Variants in ACTR8 observed in about 807,000 individuals in gnomAD.
The protein encoded by ACTR8 is actin related protein 8, also known as actin-related protein 8.
Under a neutral mutation model 84.3 loss-of-function variants are expected in ACTR8, and 70 were observed. That is an observed-to-expected ratio of 0.83 (90% CI 0.68 to 1.01). The LOEUF is 1.01. Ranked by LOEUF, ACTR8 falls within the 50% of genes least tolerant of loss-of-function variation. The pLI is 0.00. For synonymous variants in ACTR8, 268 were observed against 275.2 expected, an observed-to-expected ratio of 0.97 and a Z score of 0.26; for missense variants, 672 against 775.4, an observed-to-expected ratio of 0.87 and a Z score of 1.58.
chr3:53,860,172 C>T, the ACTR8 span: 1 of 1,614,140 alleles, frequency 6.2e-7, no homozygotes, highest in Non-Finnish European at 8.5e-7. Context: ...CTCCTGCTGT[C>T]TCTGCTGGTG....
At chr3:53,877,412 T>C (rs781428628) in intron 4 of ACTR8, 25 bp from the exon 5 acceptor site, 3 of 1,563,226 alleles carry the variant, frequency 1.9e-6, no homozygotes, top group Admixed American at 2.1e-5. Context: ...GGGAGATGAG[T>C]ACTTTGTTAA....
At chr3:53,874,479 C>G in intron 7 of ACTR8, 115 bp from the exon 8 acceptor site, 1 of 1,094,272 alleles carries the variant, frequency 9.1e-7, no homozygotes, top group Non-Finnish European at 1.3e-6. Flanking sequence ...AATCCCAGCA[C>G]TTTGGGAGGC....
Position 53,875,989 on chromosome 3 carries a change from A to C in ACTR8, c.870T>G (p.Ser290Arg). 1 of 1,614,028 alleles carries C rather than the reference A, an allele frequency of 6.2e-7. No individual in the cohort carries two copies. The highest frequency in any genetic ancestry group is 8.5e-7 in the Non-Finnish European group (1 of 1,180,024). Residue 290 changes from serine to arginine, a missense_variant, in exon 7 of 13, where the codon AGT becomes AGG. By Grantham distance (110) the Ser-to-Arg change is moderately radical. Coordinates refer to ENST00000335754, the MANE Select transcript of ACTR8 (RefSeq NM_022899.5). ...ACACCCCATCCTCCACACAGCATAC[A>C]CTTGTCTTCTGGTCCCCAACGTCTA... ...CIVDVGDQKT[S>R]VCCVEDGVSH... is the part of the protein sequence containing the mutation.
At chr3:53,876,461 G>A (rs943458730) in intron 6 of ACTR8, among the ~76,000 whole-genome samples, 159 bp downstream of exon 6, 21 of 152,194 alleles carry the variant, frequency 1.4e-4, no homozygotes, top group African/African-American at 4.6e-4. Flanking sequence ...GGAGCTTGCA[G>A]TGAGCTGAGA....
In ACTR8 at chr3:53,867,379, A is replaced by C. The variant is rs2107042636; in HGVS notation, c.*1340T>G. 6.6e-6 allele frequency: 1 copy of C among 152,360 alleles called. No individual in the cohort carries two copies. The highest frequency in any genetic ancestry group is 2.1e-4 in the South Asian group (1 of 4,830). The allele number at this position is 152,360 out of a possible 1,614,324, so 9.4% of individuals were successfully genotyped here. On this transcript the variant is annotated 3_prime_UTR_variant, in exon 13 of 13. Transcript: ENST00000335754. ...AATAAAACATACAATTTTCAAATTGAAGGCACACATCCCAGTTGGTACTGG... is the reference window on the plus strand; with the variant it reads ...AATAAAACATACAATTTTCAAATTGCAGGCACACATCCCAGTTGGTACTGG...
chr3:53,872,965 T>TTCTC, intron 9 of ACTR8, 67 bp downstream of exon 9: 1 of 1,243,614 alleles, frequency 8.0e-7, no homozygotes, highest in South Asian at 1.3e-5. Flanking sequence ...CAAGGGCATA[T>TTCTC]TCTCTCAGTT....
downstream of ACTR8, chr3:53,865,038 C>G: frequency 6.2e-7 from 1 of 1,614,210 alleles, no homozygotes; most frequent in African/African-American, 1.3e-5. Flanking sequence ...AGAGCGAGGG[C>G]AGTCCCAGTG....
At chr3:53,864,524 G>A (rs1488980707), downstream of ACTR8, among the ~76,000 whole-genome samples, 1 of 151,824 alleles carries the variant, frequency 6.6e-6, no homozygotes, top group African/African-American at 2.4e-5. Flanking sequence ...GACAGAGTGA[G>A]ACTATGTCTC....
In ACTR8 at chr3:53,868,496, T is replaced by C. The variant is rs760242128; in HGVS notation, c.*223A>G. Reference sequence around the variant, plus strand: ...GAGAGAGGGCAAGAGAGTTTACAACTGAAGAGAAAGTTCCTATTTATTCTC... The same window carrying C: ...GAGAGAGGGCAAGAGAGTTTACAACCGAAGAGAAAGTTCCTATTTATTCTC... On this transcript the variant is annotated 3_prime_UTR_variant, in exon 13 of 13. Transcript: ENST00000335754. 1.7e-6 allele frequency: 1 copy of C among 580,756 alleles called. No homozygotes were observed. Among genetic ancestry groups the C allele is most frequent in the African/African-American group, 1.9e-5 (1 of 52,354 alleles). The allele number at this position is 580,756 out of a possible 1,614,324, so 36.0% of individuals were successfully genotyped here. A position where few individuals can be genotyped will look rare whatever the true frequency, so the allele number is the denominator to read the frequency against.
rs1291682323 is a variant in ACTR8, at chr3:53,874,370, G to C, written c.912-6C>G. On this transcript the variant is annotated splice_region_variant and splice_polypyrimidine_tract_variant and intron_variant, in intron 7 of 12. Coordinates refer to ENST00000335754, the MANE Select transcript of ACTR8 (RefSeq NM_022899.5). ...CTCCGTATGCCAGACAAAGCCTAAA[G>C]TTAAGAGAAAAGGGTAGATGGTTAA... The C allele has an allele frequency of 6.2e-7, 1 of 1,611,082 alleles. No individual in the cohort carries two copies. Among genetic ancestry groups the C allele is most frequent in the Non-Finnish European group, 8.5e-7 (1 of 1,179,000 alleles).
downstream of ACTR8, among the ~76,000 whole-genome samples, chr3:53,864,574 CA>C (rs1443832100): frequency 6.6e-6 from 1 of 152,080 alleles, no homozygotes; most frequent in Non-Finnish European, 1.5e-5. Flanking sequence ...CAGTGTGTTT[CA>C]GGTGATGTGT....
At chr3:53,873,739 A>G (rs1161145789) in intron 8 of ACTR8, among the ~76,000 whole-genome samples, 2 of 152,218 alleles carry the variant, frequency 1.3e-5, no homozygotes, top group African/African-American at 2.4e-5. Flanking sequence ...GACTTTAGCA[A>G]AAAACTCTCA....
At chr3:53,879,879 T>C in intron 2 of ACTR8, 60 bp downstream of exon 2, 1 of 1,455,186 alleles carries the variant, frequency 6.9e-7, no homozygotes, top group Non-Finnish European at 9.3e-7. Context: ...GGTGTACTTG[T>C]GTCTAAGCCC....
At chr3:53,876,744 G>A (rs1412171347) in intron 5 of ACTR8, 31 bp from the exon 6 acceptor site, 1 of 1,247,718 alleles carries the variant, frequency 8.0e-7, no homozygotes, top group Non-Finnish European at 1.1e-6. Context: ...AAAAGGGTTA[G>A]CACTCAAGTC....
intron 2 of ACTR8, among the ~76,000 whole-genome samples, chr3:53,879,275 G>A (rs904080735): frequency 1.3e-5 from 2 of 152,148 alleles, no homozygotes; most frequent in African/African-American, 4.8e-5. Flanking sequence ...CTAGACTTAC[G>A]TAGAGTCTGC....
At chr3:53,863,398 T>TA (rs35257539), downstream of ACTR8, among the ~76,000 whole-genome samples, 13,497 of 152,144 alleles carry the variant, frequency 0.089, 723 homozygotes, top group East Asian at 0.2. Context: ...GCAGAGCTAT[T>TA]AAAAAAACTC....
At chr3:53,864,360 C>T (rs1699694966), downstream of ACTR8, among the ~76,000 whole-genome samples, 3 of 152,108 alleles carry the variant, frequency 2.0e-5, no homozygotes, top group South Asian at 6.2e-4. Flanking sequence ...CAGGGTGAAA[C>T]CCCGTCTCTA....
intron 1 of ACTR8, among the ~76,000 whole-genome samples, chr3:53,880,399 T>C (rs1333403686): frequency 6.6e-6 from 1 of 152,218 alleles, no homozygotes; most frequent in Non-Finnish European, 1.5e-5. Flanking sequence ...AGCATTTATG[T>C]GACTGAAGAA....
chr3:53,863,488 T>C (rs1278689844), downstream of ACTR8, among the ~76,000 whole-genome samples: 1 of 152,168 alleles, frequency 6.6e-6, no homozygotes, highest in Non-Finnish European at 1.5e-5. Context: ...TGAGATTAAC[T>C]CCATGTTCTA....
Sources: gnomAD v4.1 joint callset for allele counts (sites outside exome capture counted in the v4.1 genomes callset) on GRCh38, gnomAD v4.1.1 for gene constraint, MANE v1.5 for transcripts, NCBI Gene and HGNC (gene_info 2026-07-23, HGNC 2026-07-21) for gene names.